The following SORD variants were observed in gnomAD, a reference collection of about 807,000 sequenced individuals.
SORD encodes (R,R)-butanediol dehydrogenase.
A neutral mutation model predicts 35.6 loss-of-function variants in SORD; 18 were observed. The ratio of observed to expected loss-of-function variants is 0.51; its 90% CI spans 0.35 to 0.75. The LOEUF is 0.75. Among genes scored for constraint, SORD ranks in the 30% least tolerant of loss-of-function variants. The pLI is 0.01. For missense variants in SORD, 250 were observed against 390.2 expected (o/e 0.64, Z 3.03); for synonymous variants, 106 against 152.9 (o/e 0.69, Z 2.26).
intron 5 of SORD, among the ~76,000 whole-genome samples, chr15:45,066,590 G>C (rs1047658263): frequency 1.3e-5 from 2 of 152,184 alleles, no homozygotes; most frequent in African/African-American, 2.4e-5. Flanking sequence ...GCTGTAGCTA[G>C]CTGCCTTCTC....
In SORD at chr15:45,026,211, G is replaced by C. The variant is rs189985124; in HGVS notation, c.66+2862G>C. 2.8e-3 allele frequency among the ~76,000 whole-genome samples: 431 copies of C among 152,292 alleles called. 2 individuals are homozygous for C. Among genetic ancestry groups the C allele is most frequent in the Admixed American group, 4.8e-3 (74 of 15,302 alleles). On this transcript the variant is annotated intron_variant, in intron 1 of 8. Transcript: ENST00000267814. ...CACTGCTCCTCCATCTTTTCCTTAA[G>C]ACAAATAGGCTCAGTGGCTTGGGTT...
intron 3 of SORD, among the ~76,000 whole-genome samples, chr15:45,057,264 T>A (rs918678013): frequency 6.6e-6 from 1 of 152,172 alleles, no homozygotes. Flanking sequence ...GTATTTAACC[T>A]TTTTTTAGGT....
chr15:45,029,538 G>A (rs1416170505), intron 1 of SORD, among the ~76,000 whole-genome samples: 1 of 152,274 alleles, frequency 6.6e-6, no homozygotes, highest in African/African-American at 2.4e-5. Flanking sequence ...AAGCCCCAGA[G>A]GGGCTGTTAC....
chr15:45,054,496 G>C (rs187575483), intron 3 of SORD, among the ~76,000 whole-genome samples: 193 of 152,310 alleles, frequency 1.3e-3, no homozygotes, highest in Admixed American at 2.8e-3. Flanking sequence ...GGGGTTGTTT[G>C]TCTTTTTCTT....
intron 3 of SORD, among the ~76,000 whole-genome samples, chr15:45,052,746 G>A (rs941773864): frequency 3.3e-5 from 5 of 151,946 alleles, no homozygotes; most frequent in African/African-American, 9.7e-5. Flanking sequence ...TCTATCCACC[G>A]CCACCACCCA....
At chr15:45,056,940 T>C (rs1893227776) in intron 3 of SORD, among the ~76,000 whole-genome samples, 1 of 152,188 alleles carries the variant, frequency 6.6e-6, no homozygotes, top group African/African-American at 2.4e-5. Flanking sequence ...ATCCCATGGA[T>C]CCCACGTGTT....
At chr15:45,066,087 T>C (rs1893399577) in intron 5 of SORD, among the ~76,000 whole-genome samples, 1 of 151,050 alleles carries the variant, frequency 6.6e-6, no homozygotes, top group South Asian at 2.1e-4. Flanking sequence ...TTACTAAAAA[T>C]ACAAAAATTA....
chr15:45,053,098 A>G (rs1893155209), intron 3 of SORD, among the ~76,000 whole-genome samples: 1 of 152,188 alleles, frequency 6.6e-6, no homozygotes, highest in Non-Finnish European at 1.5e-5. Flanking sequence ...AGCAGAGAGC[A>G]AAGTCTTCTA....
At chr15:45,039,257 T>C (rs1395704220) in intron 1 of SORD, among the ~76,000 whole-genome samples, 1 of 152,082 alleles carries the variant, frequency 6.6e-6, no homozygotes, top group African/African-American at 2.4e-5. Context: ...GCCTCCTGAG[T>C]AGCTGAGACT....
rs1000194613 is a variant in SORD at position 45,069,480 on chromosome 15, G to C, written c.786+428G>C. Among the ~76,000 whole-genome samples, 8 of 152,032 alleles carry C rather than the reference G, an allele frequency of 5.3e-5. No individual in the cohort carries two copies. In the East Asian group the frequency reaches 1.4e-3, roughly 26 times the overall value. ...CCTCCTCGGCCTCTCAAAGTGCTGG[G>C]ATTACAGGCGCTATCTCTGTTTTCT... On this transcript the variant is annotated intron_variant, in intron 7 of 8. Transcript: ENST00000267814.
At chr15:45,069,388 T>A (rs1238241551) in intron 7 of SORD, among the ~76,000 whole-genome samples, 1 of 151,746 alleles carries the variant, frequency 6.6e-6, no homozygotes, top group Non-Finnish European at 1.5e-5. Context: ...TTTGTATTTT[T>A]TTTAGAAGAG....
rs568900353 is a variant in SORD, at chr15:45,023,322, G to A, written c.39G>A (p.Val13=). ...CCAAGCCCAACAACCTTTCCCTGGT[G>A]GTGCACGGACCGGGGGACTTGCGCC... ...AAAKPNNLSL[V]VHGPGDLRLE... Residue 13 remains valine (V), a synonymous_variant, in exon 1 of 9, where the codon GTG becomes GTA. Coordinates refer to ENST00000267814, the MANE Select transcript of SORD (RefSeq NM_003104.6). 7.9e-5 allele frequency: 126 copies of A among 1,591,384 alleles called. 1 individual carries two copies. In the East Asian group the frequency reaches 2.7e-3, roughly 34 times the overall value.
At chr15:45,040,630 T>A (rs898697146) in intron 2 of SORD, among the ~76,000 whole-genome samples, 189 bp downstream of exon 2, 1 of 152,234 alleles carries the variant, frequency 6.6e-6, no homozygotes, top group Admixed American at 6.5e-5. Flanking sequence ...GAAGTTTATC[T>A]TGGCTGCTAC....
At position 45,046,708 on chromosome 15, in the gene SORD, G is replaced by T. The variant is rs566253746; in HGVS notation, c.265+3287G>T. Among the ~76,000 whole-genome samples the T allele has an allele frequency of 4.6e-5, 7 of 152,166 alleles. No homozygotes were observed. The East Asian group carries it at 5.8e-4, about 13-fold the overall frequency. The stretch of plus-strand genomic sequence containing the variant: ...CAACTCATCAAATATTTCCTAATGC[G>T]CATTTACAGAATTTAAACATATAAG... On this transcript the variant is annotated intron_variant, in intron 3 of 8. Transcript: ENST00000267814.
chr15:45,053,937 T>G (rs1893170490), intron 3 of SORD, among the ~76,000 whole-genome samples: 1 of 144,742 alleles, frequency 6.9e-6, no homozygotes, highest in Admixed American at 7.1e-5. Context: ...GAATGATGAT[T>G]TCCAATTTCA....
At chr15:45,054,637 C>T (rs887561173) in intron 3 of SORD, among the ~76,000 whole-genome samples, 2 of 152,096 alleles carry the variant, frequency 1.3e-5, no homozygotes, top group African/African-American at 4.8e-5. Flanking sequence ...TGTGCAGAAG[C>T]TCTTTAGTTT....
Position 45,032,647 on chromosome 15 carries a change from C to A in SORD, c.67-7761C>A, listed in dbSNP as rs1468482962. Among the ~76,000 whole-genome samples the A allele has an allele frequency of 2.4e-4, 36 of 152,242 alleles. No individual in the cohort carries two copies. The East Asian group carries it at 6.8e-3, about 29-fold the overall frequency. On this transcript the variant is annotated intron_variant, in intron 1 of 8. Coordinates refer to ENST00000267814, the MANE Select transcript of SORD (RefSeq NM_003104.6). ...TCACTGGTGACTTGATACAGATTTG[C>A]ATTTCAGCAAGATTGTTATCAGCAG...
intron 3 of SORD, among the ~76,000 whole-genome samples, chr15:45,055,089 A>G (rs1893193997): frequency 1.3e-5 from 2 of 152,090 alleles, no homozygotes; most frequent in Non-Finnish European, 2.9e-5. Context: ...TGATGCCTCC[A>G]GCTTTGTTCT....
At chr15:45,035,475 TG>T (rs1892849135) in intron 1 of SORD, among the ~76,000 whole-genome samples, 1 of 150,164 alleles carries the variant, frequency 6.7e-6, no homozygotes, top group African/African-American at 2.5e-5. Flanking sequence ...GGGGGGGAGG[TG>T]GAAAACCTTT....
Sources: allele counts gnomAD v4.1 joint callset (sites outside exome capture counted in the v4.1 genomes callset), GRCh38; gene constraint gnomAD v4.1.1; transcripts MANE v1.5; gene names NCBI Gene and HGNC (gene_info 2026-07-23, HGNC 2026-07-21).